Variants in IFT88 observed in about 807,000 individuals in gnomAD.
IFT88 encodes the protein intraflagellar transport protein 88 homolog.
IFT88 carries 74 observed loss-of-function variants against 119.5 expected under a neutral mutation model. That is an observed-to-expected ratio of 0.62 (90% CI 0.51 to 0.75). The LOEUF is 0.75. Ranked by LOEUF, IFT88 falls within the 30% of genes least tolerant of loss-of-function variation. The pLI is 0.00. For missense variants in IFT88, 961 were observed against 977.7 expected, an observed-to-expected ratio of 0.98 and a Z score of 0.23; for synonymous variants, 279 against 316.7, an observed-to-expected ratio of 0.88 and a Z score of 1.26.
At chr13:20,656,216 C>A (rs933285990) in intron 21 of IFT88, 149 bp from the exon 22 acceptor site, 13 of 288,036 alleles carry the variant, frequency 4.5e-5, no homozygotes, top group African/African-American at 2.3e-4. Flanking sequence ...TATACATTTT[C>A]TTCTAAAAGT....
intron 1 of IFT88, chr13:20,567,933 G>C: frequency 4.4e-6 from 3 of 687,466 alleles, no homozygotes; most frequent in Non-Finnish European, 8.0e-6. Flanking sequence ...CCAATCTTTG[G>C]CTTCCCTGGG....
chr13:20,619,260 C>G (rs574992426), intron 14 of IFT88, among the ~76,000 whole-genome samples: 1 of 152,138 alleles, frequency 6.6e-6, no homozygotes, highest in African/African-American at 2.4e-5. Flanking sequence ...CCATTGCATA[C>G]CCTAATAAAT....
At chr13:20,625,421 A>T (rs2047145357) in intron 14 of IFT88, among the ~76,000 whole-genome samples, 1 of 152,194 alleles carries the variant, frequency 6.6e-6, no homozygotes. Flanking sequence ...TCACCCTGAG[A>T]GCATTTAATA....
At chr13:20,684,588 C>T (rs1347199019) in intron 24 of IFT88, among the ~76,000 whole-genome samples, 1 of 152,206 alleles carries the variant, frequency 6.6e-6, no homozygotes, top group Non-Finnish European at 1.5e-5. Flanking sequence ...GTGCTGCCTA[C>T]CTTTTCCCAG....
chr13:20,568,370 C>T (rs1436632040), intron 1 of IFT88, among the ~76,000 whole-genome samples: 1 of 152,158 alleles, frequency 6.6e-6, no homozygotes, highest in African/African-American at 2.4e-5. Context: ...TGCTTGATTC[C>T]CTTCAACTTT....
intron 20 of IFT88, among the ~76,000 whole-genome samples, chr13:20,649,677 A>G (rs923083731): frequency 5.9e-5 from 9 of 152,032 alleles, no homozygotes; most frequent in Non-Finnish European, 1.5e-5. Flanking sequence ...AGAGAATAGA[A>G]AAGCTGTAGA....
At chr13:20,656,796 A>G (rs1445761043) in intron 22 of IFT88, among the ~76,000 whole-genome samples, 1 of 152,238 alleles carries the variant, frequency 6.6e-6, no homozygotes, top group Non-Finnish European at 1.5e-5. Context: ...AACAACTTCT[A>G]AAGGTTGAGA....
At chr13:20,568,077 A>G (rs1385182704) in intron 1 of IFT88, 3 of 704,656 alleles carry the variant, frequency 4.3e-6, no homozygotes, top group Middle Eastern at 2.6e-4. Context: ...GTGTTGGGCC[A>G]CATTCAAAGC....
At chr13:20,675,456 C>T (rs2056544011) in intron 24 of IFT88, among the ~76,000 whole-genome samples, 1 of 152,076 alleles carries the variant, frequency 6.6e-6, no homozygotes, top group Admixed American at 6.5e-5. Context: ...TGAACAGCAC[C>T]AGAGCACCAA....
At chr13:20,638,701 G>A (rs2049399493) in intron 17 of IFT88, among the ~76,000 whole-genome samples, 183 bp downstream of exon 17, 1 of 152,182 alleles carries the variant, frequency 6.6e-6, no homozygotes, top group Admixed American at 6.6e-5. Flanking sequence ...TGATTCAGAA[G>A]CTATGCACAT....
chr13:20,622,518 T>C (rs897777081), intron 14 of IFT88, among the ~76,000 whole-genome samples: 2 of 152,218 alleles, frequency 1.3e-5, no homozygotes, highest in Admixed American at 6.5e-5. Context: ...AATTTTGGCC[T>C]TTCTAATAAG....
rs551037279 is a variant in IFT88, at chr13:20,607,595, G to A, written c.1112+2490G>A. On this transcript the variant is annotated intron_variant, in intron 13 of 25. Transcript: ENST00000351808. ...GAGATTTGCGGATCCACCATCTCCC[G>A]CTGCTCAACATCTTGGGCTGCCACG... The A allele has an allele frequency of 6.4e-5, 48 of 752,272 alleles. No individual in the cohort carries two copies. The East Asian group carries it at 7.2e-4, about 11-fold the overall frequency. The allele number at this position is 752,272 out of a possible 1,614,324, so 46.6% of individuals were successfully genotyped here. A position where few individuals can be genotyped will look rare whatever the true frequency, so the allele number is the denominator to read the frequency against.
intron 24 of IFT88, among the ~76,000 whole-genome samples, chr13:20,680,620 C>T (rs1170726151): frequency 1.3e-5 from 2 of 152,164 alleles, no homozygotes; most frequent in African/African-American, 2.4e-5. Context: ...TGATCTGGCC[C>T]CAGGGGGGTG....
chr13:20,615,739 C>G, intron 13 of IFT88, 54 bp from the exon 14 acceptor site: 1 of 1,022,986 alleles, frequency 9.8e-7, no homozygotes, highest in South Asian at 1.7e-5. Context: ...TTAGGAAATC[C>G]AAACTATTTT....
rs190787386 is a variant in IFT88, at chr13:20,667,732, G to A, written c.2176-3241G>A. 5.7e-3 allele frequency among the ~76,000 whole-genome samples: 866 copies of A among 151,600 alleles called. 10 individuals carry two copies. The highest frequency in any genetic ancestry group is 0.02 in the African/African-American group (828 of 41,338). ...GCTGGGATTACAGGTGTGAGCCACC[G>A]CGCCCAGCCCATTTTCACAGTTTTA... On this transcript the variant is annotated intron_variant, in intron 23 of 25. Transcript: ENST00000351808.
In IFT88 at chr13:20,653,873, T is replaced by A. The variant is rs368955602; in HGVS notation, c.1950-3T>A. On this transcript the variant is annotated splice_polypyrimidine_tract_variant and splice_region_variant and intron_variant, in intron 20 of 25. Coordinates refer to ENST00000351808, the MANE Select transcript of IFT88 (RefSeq NM_006531.5). ...AATTTCATCTCATTTATTTATTTTA[T>A]AGGCCTACACAAGTGAAATGGCAGC... is the stretch of plus-strand genomic sequence containing the variant. The A allele has an allele frequency of 6.5e-7, 1 of 1,529,190 alleles. No individual in the cohort carries two copies. The allele number at this position is 1,529,190 out of a possible 1,614,324, so 94.7% of individuals were successfully genotyped here.
At chr13:20,688,110 C>T (rs987716451) in intron 24 of IFT88, among the ~76,000 whole-genome samples, 22 of 152,104 alleles carry the variant, frequency 1.4e-4, no homozygotes, top group Non-Finnish European at 2.9e-4. Flanking sequence ...CCGAGGCAGG[C>T]GCATCACCTG....
intron 24 of IFT88, among the ~76,000 whole-genome samples, chr13:20,682,430 T>C (rs1056352213): frequency 6.6e-6 from 1 of 152,212 alleles, no homozygotes; most frequent in African/African-American, 2.4e-5. Context: ...CCTCTAAGGA[T>C]AGAAAATAGA....
chr13:20,635,462 G>T (rs1196220251), intron 16 of IFT88, among the ~76,000 whole-genome samples: 1 of 152,208 alleles, frequency 6.6e-6, no homozygotes, highest in African/African-American at 2.4e-5. Context: ...AGCAAAGCAG[G>T]TGTGGCCAGT....
Sources: gnomAD v4.1 joint callset for allele counts (sites outside exome capture counted in the v4.1 genomes callset) on GRCh38, gnomAD v4.1.1 for gene constraint, MANE v1.5 for transcripts, NCBI Gene and HGNC (gene_info 2026-07-23, HGNC 2026-07-21) for gene names.